The following GALNT8 variants were observed in gnomAD, a reference collection of about 807,000 sequenced individuals.
The protein encoded by GALNT8 is polypeptide N-acetylgalactosaminyltransferase 8.
GALNT8 carries 66 observed loss-of-function variants against 62.7 expected under a neutral mutation model. That is an observed-to-expected ratio of 1.05 (90% CI 0.86 to 1.29). GALNT8 has a LOEUF of 1.29. Ranked by LOEUF, GALNT8 falls within the 50% of genes most tolerant of loss-of-function variation. The pLI is 0.00. For synonymous variants in GALNT8, 288 were observed against 294.3 expected, an observed-to-expected ratio of 0.98 and a Z score of 0.22; for missense variants, 771 against 791.8, an observed-to-expected ratio of 0.97 and a Z score of 0.32.
chr12:4,756,267 C>G (rs541625951), intron 6 of GALNT8, among the ~76,000 whole-genome samples: 1 of 152,004 alleles, frequency 6.6e-6, no homozygotes, highest in South Asian at 2.1e-4. Context: ...AGCCTAAGGC[C>G]GAACTCTTAA....
chr12:4,766,313 TCTCTGA>T, intron 10 of GALNT8, among the ~76,000 whole-genome samples: 1 of 152,280 alleles, frequency 6.6e-6, no homozygotes, highest in African/African-American at 2.4e-5. Context: ...TTCCTTACCC[TCTCTGA>T]AGCTCAGTTT....
chr12:4,722,896 G>A (rs118151673), intron 1 of GALNT8, among the ~76,000 whole-genome samples: 6,031 of 152,122 alleles, frequency 0.04, 233 homozygotes, highest in East Asian at 0.2. Flanking sequence ...GATGAGAGAG[G>A]AGAAAAGAGC....
intron 2 of GALNT8, among the ~76,000 whole-genome samples, chr12:4,733,823 G>A (rs1946231303): frequency 6.6e-6 from 1 of 152,192 alleles, no homozygotes; most frequent in Admixed American, 6.5e-5. Flanking sequence ...GAATCCACAG[G>A]ACTGTAATCC....
Position 4,726,754 on chromosome 12 carries a change from G to T in GALNT8, c.434G>T (p.Arg145Leu). 1 of 1,614,018 alleles carries T rather than the reference G, an allele frequency of 6.2e-7. No individual in the cohort carries two copies. Among genetic ancestry groups the T allele is most frequent in the Non-Finnish European group, 8.5e-7 (1 of 1,180,004 alleles). ...AQQKAAQDLF[R>L]KFGYNAYLSN... is the part of the protein sequence containing the mutation. Reference sequence around the variant, plus strand: ...CAGAAGGCGGCCCAGGACCTCTTCCGGAAGTTTGGTTACAACGCGTACCTC... The same window carrying T: ...CAGAAGGCGGCCCAGGACCTCTTCCTGAAGTTTGGTTACAACGCGTACCTC... Residue 145 changes from arginine (R) to leucine (L), a missense_variant, in exon 2 of 11, where the codon CGG becomes CTG. Coordinates refer to ENST00000252318, the MANE Select transcript of GALNT8 (RefSeq NM_017417.2). This position sits in a 1 kb window ranked among gnomAD's most constrained non-coding sequence, Gnocchi z 4.1.
At chr12:4,761,425 G>A (rs1946372341) in intron 7 of GALNT8, among the ~76,000 whole-genome samples, 1 of 152,118 alleles carries the variant, frequency 6.6e-6, no homozygotes, top group East Asian at 1.9e-4. Context: ...GGCACAGAGA[G>A]TTGGAAGAAA....
intron 3 of GALNT8, among the ~76,000 whole-genome samples, chr12:4,744,192 G>C (rs1215372976): frequency 6.6e-6 from 1 of 152,150 alleles, no homozygotes; most frequent in East Asian, 1.9e-4. Context: ...TGCACCTTAG[G>C]CTAGATCTGT....
intron 10 of GALNT8, among the ~76,000 whole-genome samples, chr12:4,771,056 C>T (rs1019693104): frequency 4.6e-5 from 7 of 152,192 alleles, no homozygotes; most frequent in African/African-American, 1.7e-4. Context: ...TCCTCAGGAT[C>T]GCTGATGGCT....
chr12:4,759,420 G>A (rs1429337227), intron 6 of GALNT8, among the ~76,000 whole-genome samples: 1 of 150,926 alleles, frequency 6.6e-6, no homozygotes, highest in East Asian at 2.0e-4. Context: ...AGATGAATAA[G>A]TTGAGGGTCA....
intron 3 of GALNT8, among the ~76,000 whole-genome samples, chr12:4,742,200 A>G (rs1007881919): frequency 6.6e-6 from 1 of 152,076 alleles, no homozygotes. Flanking sequence ...CTCCTCACCT[A>G]TCTCAGTGTT....
chr12:4,721,183 C>T (rs144381343), intron 1 of GALNT8, among the ~76,000 whole-genome samples: 54 of 151,920 alleles, frequency 3.6e-4, no homozygotes, highest in African/African-American at 1.2e-3. Flanking sequence ...GTGCAGGCAA[C>T]GAGAAGAATA....
Position 4,749,861 on chromosome 12 carries a change from G to A in GALNT8, c.1173+3603G>A, listed in dbSNP as rs551476774. 6.6e-6 allele frequency among the ~76,000 whole-genome samples: 1 copy of A among 152,082 alleles called. No individual in the cohort carries two copies. Among genetic ancestry groups the A allele is most frequent in the East Asian group, 1.9e-4 (1 of 5,174 alleles). The stretch of plus-strand genomic sequence containing the variant: ...CATTACTTGTTATTGTTCTGTTCAG[G>A]TTTGGGATATTTTTCCTGGTTCAAT... On this transcript the variant is annotated intron_variant, in intron 6 of 10. Coordinates refer to ENST00000252318, the MANE Select transcript of GALNT8 (RefSeq NM_017417.2). This position sits in a 1 kb window ranked among gnomAD's most constrained non-coding sequence, Gnocchi z 4.1.
At chr12:4,752,657 T>G (rs1946327344) in intron 6 of GALNT8, among the ~76,000 whole-genome samples, 1 of 152,158 alleles carries the variant, frequency 6.6e-6, no homozygotes, top group African/African-American at 2.4e-5. Flanking sequence ...GTTATTATTG[T>G]TGATCGATTC....
chr12:4,735,834 G>T (rs971533952), intron 2 of GALNT8, among the ~76,000 whole-genome samples: 3 of 152,136 alleles, frequency 2.0e-5, no homozygotes, highest in African/African-American at 7.2e-5. Flanking sequence ...TCTGTGCAGT[G>T]GTGCAGAAGT....
chr12:4,764,416 C>T (rs1946388261), intron 9 of GALNT8, among the ~76,000 whole-genome samples: 1 of 152,062 alleles, frequency 6.6e-6, no homozygotes, highest in Admixed American at 6.6e-5. Context: ...CAGGTGAAGC[C>T]ACCTGTGCTT....
intron 9 of GALNT8, 26 bp downstream of exon 9, chr12:4,764,073 T>G: frequency 3.9e-6 from 5 of 1,278,544 alleles, no homozygotes; most frequent in South Asian, 1.2e-5. Flanking sequence ...TTCCTGGCCC[T>G]GCCTGGGCAA....
In GALNT8 at chr12:4,726,676, T is replaced by G; in HGVS notation, c.356T>G (p.Phe119Cys). 6.2e-7 allele frequency: 1 copy of G among 1,613,974 alleles called. No individual in the cohort carries two copies. Among genetic ancestry groups the G allele is most frequent in the Non-Finnish European group, 8.5e-7 (1 of 1,179,996 alleles). The change falls in exon 2 of 11, where the codon TTC becomes TGC. Residue 119 changes from phenylalanine (F) to cysteine (C), a missense_variant. By Grantham distance (205) the Phe-to-Cys change is radical (BLOSUM62 -2). Coordinates refer to ENST00000252318, the MANE Select transcript of GALNT8 (RefSeq NM_017417.2). This position sits in a 1 kb window ranked among gnomAD's most constrained non-coding sequence, Gnocchi z 4.1. The stretch of plus-strand genomic sequence containing the variant: ...AAGCACAAAACCCAAATGAAACTCT[T>G]CCCACACTCACAGCTTTTCAGGCAA... Reference protein sequence around the residue: ...TKKHKTQMKLFPHSQLFRQWG... With the variant: ...TKKHKTQMKLCPHSQLFRQWG...
chr12:4,754,741 C>T lies in GALNT8; in HGVS notation c.1174-6217C>T, dbSNP rs542094404. On this transcript the variant is annotated intron_variant, in intron 6 of 10. Coordinates refer to ENST00000252318, the MANE Select transcript of GALNT8 (RefSeq NM_017417.2). ...CCAGCAAGTCTCAGAGACTTACCCA[C>T]GGCCCTCAATGTAGTATTGGGTATT... Among the ~76,000 whole-genome samples, 12 of 152,274 alleles carry T rather than the reference C, an allele frequency of 7.9e-5. No individual in the cohort carries two copies. In the South Asian group the frequency reaches 1.7e-3, roughly 21 times the overall value.
intron 2 of GALNT8, among the ~76,000 whole-genome samples, chr12:4,731,031 G>A (rs1016752637): frequency 1.3e-5 from 2 of 151,888 alleles, no homozygotes; most frequent in African/African-American, 4.8e-5. Context: ...TGTATTTTTA[G>A]TAGAGACGGG....
chr12:4,762,891 C>T lies in GALNT8; in HGVS notation c.1360-362C>T, dbSNP rs566326800. On this transcript the variant is annotated intron_variant, in intron 7 of 10. Transcript: ENST00000252318. ...GCAGATTCAGAGACTCCAGCGCAGC[C>T]ATGTGGTGGAAGAAGATTTATAGAC... is the stretch of plus-strand genomic sequence containing the variant. Among the ~76,000 whole-genome samples the T allele has an allele frequency of 5.3e-5, 8 of 152,296 alleles. No homozygotes were observed. The East Asian group carries it at 1.4e-3, about 26-fold the overall frequency.
Sources: gnomAD v4.1 joint callset for allele counts (sites outside exome capture counted in the v4.1 genomes callset) on GRCh38, gnomAD v4.1.1 for gene constraint, Gnocchi (gnomAD v3.1) non-coding constraint, MANE v1.5 for transcripts, NCBI Gene and HGNC (gene_info 2026-07-23, HGNC 2026-07-21) for gene names.